SNTB2: variants seen among roughly 807,000 people sequenced by gnomAD.
SNTB2 encodes beta-2-syntrophin.
In SNTB2, 34 loss-of-function variants were observed where a neutral mutation model predicts 46.2. That is an observed-to-expected ratio of 0.74 (90% CI 0.56 to 0.98). The LOEUF is 0.98. Among genes scored for constraint, SNTB2 ranks in the 50% least tolerant of loss-of-function variants. SNTB2 has a pLI of 0.00. For missense variants in SNTB2, 603 were observed against 731.4 expected, an observed-to-expected ratio of 0.82 and a Z score of 2.02; for synonymous variants, 290 against 312.6, an observed-to-expected ratio of 0.93 and a Z score of 0.76.
chr16:69,243,304 C>G (rs1446096773), intron 1 of SNTB2, among the ~76,000 whole-genome samples: 1 of 152,122 alleles, frequency 6.6e-6, no homozygotes, highest in Non-Finnish European at 1.5e-5. Flanking sequence ...TTTTGCCATT[C>G]CCAAACATAG....
intron 3 of SNTB2, among the ~76,000 whole-genome samples, chr16:69,260,542 A>G (rs1200531550): frequency 6.6e-6 from 1 of 152,212 alleles, no homozygotes; most frequent in Non-Finnish European, 1.5e-5. Flanking sequence ...ATGACAGAGG[A>G]TAATTTTCAT....
intron 1 of SNTB2, among the ~76,000 whole-genome samples, chr16:69,192,828 C>A (rs1021877401): frequency 1.3e-5 from 2 of 151,790 alleles, no homozygotes; most frequent in African/African-American, 4.8e-5. Flanking sequence ...ATAGATTTGC[C>A]TTTTAAAATA....
intron 1 of SNTB2, among the ~76,000 whole-genome samples, chr16:69,215,705 A>G (rs1567399705): frequency 6.6e-6 from 1 of 152,178 alleles, no homozygotes; most frequent in Non-Finnish European, 1.5e-5. Context: ...TGAGAGGAAC[A>G]TGTTTCTTTA....
At chr16:69,236,293 G>A (rs1964559974) in intron 1 of SNTB2, among the ~76,000 whole-genome samples, 1 of 152,172 alleles carries the variant, frequency 6.6e-6, no homozygotes, top group Non-Finnish European at 1.5e-5. Flanking sequence ...GGAGTGGCCT[G>A]GTATGAGTTG....
chr16:69,194,703 C>T (rs1042349608), intron 1 of SNTB2, among the ~76,000 whole-genome samples: 1 of 152,060 alleles, frequency 6.6e-6, no homozygotes, highest in Non-Finnish European at 1.5e-5. Flanking sequence ...TTTGGCCAGG[C>T]CTATATCAGG....
At chr16:69,245,384 G>A (rs1445641659) in intron 1 of SNTB2, among the ~76,000 whole-genome samples, 1 of 152,050 alleles carries the variant, frequency 6.6e-6, no homozygotes, top group Non-Finnish European at 1.5e-5. Context: ...TGGTAGAGAT[G>A]GGGTTTCACT....
chr16:69,237,242 A>T (rs964036599), intron 1 of SNTB2, among the ~76,000 whole-genome samples: 1 of 152,060 alleles, frequency 6.6e-6, no homozygotes, highest in Non-Finnish European at 1.5e-5. Context: ...TAGGGATAGG[A>T]GGAGAAAAAA....
chr16:69,204,672 T>G (rs117489572), intron 1 of SNTB2, among the ~76,000 whole-genome samples: 2,791 of 152,226 alleles, frequency 0.018, 26 homozygotes, highest in Non-Finnish European at 0.026. Context: ...ACTAAGAACA[T>G]TGAGTTTTAA....
chr16:69,187,334 G>A lies in SNTB2; in HGVS notation c.168G>A (p.Ala56=). 6.9e-7 allele frequency: 1 copy of A among 1,447,552 alleles called. No individual in the cohort carries two copies. The highest frequency in any genetic ancestry group is 9.1e-7 in the Non-Finnish European group (1 of 1,102,216). The allele number at this position is 1,447,552 out of a possible 1,614,324, so 89.7% of individuals were successfully genotyped here. ...TGAGCCTGACGGGCGACGCCGCCGCGGCCGAGCTGGAGCCCGCTCTGGGAC... is the reference window on the plus strand; with the variant it reads ...TGAGCCTGACGGGCGACGCCGCCGCAGCCGAGCTGGAGCCCGCTCTGGGAC... ...ESLSLTGDAA[A]AELEPALGPA... The change falls in exon 1 of 7, where the codon GCG becomes GCA. Residue 56 remains alanine (A), a synonymous_variant. Coordinates refer to ENST00000336278, the MANE Select transcript of SNTB2 (RefSeq NM_006750.4).
chr16:69,292,268 G>A (rs1272638853), intron 5 of SNTB2, among the ~76,000 whole-genome samples: 2 of 145,324 alleles, frequency 1.4e-5, no homozygotes, highest in Non-Finnish European at 3.0e-5. Flanking sequence ...TAGACACAAA[G>A]TGGATAACAT....
chr16:69,227,005 G>GACA (rs1245643499), intron 1 of SNTB2, among the ~76,000 whole-genome samples: 1 of 152,152 alleles, frequency 6.6e-6, no homozygotes, highest in East Asian at 1.9e-4. Context: ...GAGTCTATGT[G>GACA]ACAACCTTCA....
chr16:69,209,262 T>C (rs923619512), intron 1 of SNTB2, among the ~76,000 whole-genome samples: 1 of 152,172 alleles, frequency 6.6e-6, no homozygotes, highest in African/African-American at 2.4e-5. Context: ...TGGCCAAATT[T>C]TTGAATGTTT....
intron 1 of SNTB2, among the ~76,000 whole-genome samples, chr16:69,200,748 C>G (rs1290634364): frequency 6.6e-6 from 1 of 152,152 alleles, no homozygotes; most frequent in African/African-American, 2.4e-5. Context: ...CTCCTAAGCT[C>G]AAGTCATCCT....
chr16:69,284,240 T>C lies in SNTB2; in HGVS notation c.1341T>C (p.Ser447=). 1 of 1,603,252 alleles carries C rather than the reference T, an allele frequency of 6.2e-7. No individual in the cohort carries two copies. Residue 447 remains serine (S), a synonymous_variant, in exon 5 of 7, where the codon TCT becomes TCC. Coordinates refer to ENST00000336278, the MANE Select transcript of SNTB2 (RefSeq NM_006750.4). Reference sequence around the variant, plus strand: ...CTGCTGAGCTGATCAAGGAAGTCTCTCTAGGTAGAGATGCTGACTTTTTAT... The same window carrying C: ...CTGCTGAGCTGATCAAGGAAGTCTCCCTAGGTAGAGATGCTGACTTTTTAT... The part of the protein sequence containing the change: ...HAAAELIKEV[S]LGCMLNGQEV...
At chr16:69,189,203 A>G (rs1381408977) in intron 1 of SNTB2, among the ~76,000 whole-genome samples, 1 of 152,112 alleles carries the variant, frequency 6.6e-6, no homozygotes, top group Non-Finnish European at 1.5e-5. Context: ...TATAAACCTT[A>G]TTTATATTGC....
At chr16:69,213,979 G>T (rs1317555476) in intron 1 of SNTB2, among the ~76,000 whole-genome samples, 3 of 149,074 alleles carry the variant, frequency 2.0e-5, no homozygotes, top group African/African-American at 7.4e-5. Context: ...CTGCCACCAT[G>T]CCCGGCTAAT....
chr16:69,263,523 A>G (rs562450593), intron 3 of SNTB2, among the ~76,000 whole-genome samples: 1 of 151,680 alleles, frequency 6.6e-6, no homozygotes, highest in Non-Finnish European at 1.5e-5. Context: ...GGTTCAAGCA[A>G]TTCTCATGCC....
intron 5 of SNTB2, among the ~76,000 whole-genome samples, chr16:69,292,368 A>ATAT (rs1555501230): frequency 7.6e-5 from 2 of 26,374 alleles, no homozygotes; most frequent in Admixed American, 4.6e-4. Context: ...ATATATATAT[A>ATAT]TATATATATA....
chr16:69,291,879 C>T (rs189773365), intron 5 of SNTB2, among the ~76,000 whole-genome samples: 1 of 151,932 alleles, frequency 6.6e-6, no homozygotes, highest in East Asian at 1.9e-4. Context: ...GTCCAGGCTG[C>T]AGCACTGCAC....
Sources: allele counts gnomAD v4.1 joint callset (sites outside exome capture counted in the v4.1 genomes callset), GRCh38; gene constraint gnomAD v4.1.1; transcripts MANE v1.5; gene names NCBI Gene and HGNC (gene_info 2026-07-23, HGNC 2026-07-21).